The following ACVR2A variants were observed in gnomAD, a reference collection of about 807,000 sequenced individuals.
ACVR2A encodes activin A receptor type 2A.
ACVR2A carries 7 observed loss-of-function variants against 61.4 expected under a neutral mutation model. That is an observed-to-expected ratio of 0.11 (90% CI 0.06 to 0.21). ACVR2A has a LOEUF of 0.21. Ranked by LOEUF, ACVR2A falls within the 10% of genes least tolerant of loss-of-function variation. The pLI is 1.00. For synonymous variants in ACVR2A, 193 were observed against 208.3 expected, an observed-to-expected ratio of 0.93 and a Z score of 0.63; for missense variants, 322 against 621.7, an observed-to-expected ratio of 0.52 and a Z score of 5.13.
upstream of ACVR2A, chr2:147,844,855 G>T (rs1685258230): frequency 3.1e-6 from 1 of 324,390 alleles, no homozygotes; most frequent in Non-Finnish European, 5.5e-6. Context: ...TTTTGACAGT[G>T]ATTTAAACCC....
intron 6 of ACVR2A, 67 bp from the exon 7 acceptor site, chr2:147,918,380 G>A: frequency 7.2e-7 from 1 of 1,397,560 alleles, no homozygotes; most frequent in Non-Finnish European, 9.6e-7. Flanking sequence ...TAGGTAAAAA[G>A]AAAAGTCTCC....
At chr2:147,871,641 T>C (rs1007940983) in intron 1 of ACVR2A, among the ~76,000 whole-genome samples, 2 of 152,154 alleles carry the variant, frequency 1.3e-5, no homozygotes, top group Admixed American at 6.6e-5. Context: ...GCTGCTCTTA[T>C]GCCTTGCACT....
chr2:147,895,515 C>G (rs983998968), intron 1 of ACVR2A, among the ~76,000 whole-genome samples: 18 of 152,096 alleles, frequency 1.2e-4, no homozygotes, highest in African/African-American at 4.3e-4. Flanking sequence ...AAGTGCCACT[C>G]TTGGTACTGG....
intron 1 of ACVR2A, among the ~76,000 whole-genome samples, chr2:147,859,684 T>G (rs962591902): frequency 2.0e-5 from 3 of 152,054 alleles, no homozygotes; most frequent in African/African-American, 7.2e-5. Context: ...GTTTTTTTGT[T>G]TGTTTGTTTT....
At chr2:147,917,777 G>A (rs1376262335) in intron 6 of ACVR2A, among the ~76,000 whole-genome samples, 1 of 151,622 alleles carries the variant, frequency 6.6e-6, no homozygotes. Context: ...ATTTTTTTAA[G>A]TTTTAATCAG....
chr2:147,921,871 G>A (rs539625897), intron 8 of ACVR2A, among the ~76,000 whole-genome samples: 1 of 152,260 alleles, frequency 6.6e-6, no homozygotes, highest in African/African-American at 2.4e-5. Flanking sequence ...TTGGCTTACA[G>A]TAATGACTCC....
chr2:147,915,287 G>A lies in ACVR2A; in HGVS notation c.625G>A (p.Ala209Thr). 6.2e-7 allele frequency: 1 copy of A among 1,612,262 alleles called. No individual in the cohort carries two copies. Among genetic ancestry groups the A allele is most frequent in the Non-Finnish European group, 8.5e-7 (1 of 1,178,682 alleles). The change falls in exon 5 of 11, where the codon GCC becomes ACC. Residue 209 changes from alanine (A) to threonine (T), a missense_variant. This residue lies in a region of ACVR2A where 146 missense variants were observed against 383.8 expected (regional missense o/e 0.38). Transcript: ENST00000241416. ...GGGAAGATTTGGTTGTGTCTGGAAA[G>A]CCCAGTTGCTTAACGAATATGTGGC... ...ARGRFGCVWKAQLLNEYVAVK... is the reference protein window; with the variant it reads ...ARGRFGCVWKTQLLNEYVAVK...
At chr2:147,851,225 A>G (rs1685438948) in intron 1 of ACVR2A, among the ~76,000 whole-genome samples, 2 of 152,124 alleles carry the variant, frequency 1.3e-5, no homozygotes, top group Admixed American at 6.5e-5. Flanking sequence ...TTAGAATGTC[A>G]TAAAAGGTCC....
intron 4 of ACVR2A, among the ~76,000 whole-genome samples, chr2:147,908,206 G>T (rs190256590): frequency 3.9e-4 from 60 of 152,046 alleles, no homozygotes; most frequent in Middle Eastern, 3.4e-3. Flanking sequence ...TTATTTTCTG[G>T]TTTTTTCAGC....
intron 4 of ACVR2A, among the ~76,000 whole-genome samples, chr2:147,906,315 C>T (rs1253476397): frequency 2.6e-5 from 4 of 152,110 alleles, no homozygotes; most frequent in Non-Finnish European, 4.4e-5. Context: ...GCTTGATTGC[C>T]TATGGTGTGC....
At chr2:147,891,962 T>TG (rs140898156) in intron 1 of ACVR2A, among the ~76,000 whole-genome samples, 21,646 of 151,952 alleles carry the variant, frequency 0.14, 1,905 homozygotes, top group Middle Eastern at 0.23. Flanking sequence ...TTCTTTTTTT[T>TG]GTTTTTTTTG....
chr2:147,889,114 T>A (rs1686515708), intron 1 of ACVR2A, among the ~76,000 whole-genome samples: 1 of 152,224 alleles, frequency 6.6e-6, no homozygotes, highest in South Asian at 2.1e-4. Flanking sequence ...ATTGTGTGAT[T>A]GATTTTTGAA....
At chr2:147,861,823 G>A (rs1163419742) in intron 1 of ACVR2A, among the ~76,000 whole-genome samples, 1 of 152,124 alleles carries the variant, frequency 6.6e-6, no homozygotes, top group Non-Finnish European at 1.5e-5. Flanking sequence ...GAATGTGTGA[G>A]GGGAATAACT....
chr2:147,896,403 A>G lies in ACVR2A; in HGVS notation c.158A>G (p.Asp53Gly), dbSNP rs1686734038. Residue 53 changes from aspartate (D) to glycine (G), a missense_variant, in exon 2 of 11, where the codon GAC (aspartate) becomes GGC (glycine). Coordinates refer to ENST00000241416, the MANE Select transcript of ACVR2A (RefSeq NM_001616.5). ...NQTGVEPCYG[D>G]KDKRRHCFAT... is the part of the protein sequence containing the mutation. ...ACTGGTGTTGAACCGTGTTATGGTGACAAAGATAAACGGCGGCATTGTTTT... is the reference window on the plus strand; with the variant it reads ...ACTGGTGTTGAACCGTGTTATGGTGGCAAAGATAAACGGCGGCATTGTTTT... 1.9e-6 allele frequency: 3 copies of G among 1,613,942 alleles called. No individual in the cohort carries two copies. The highest frequency in any genetic ancestry group is 2.5e-6 in the Non-Finnish European group (3 of 1,179,982).
chr2:147,899,490 A>C lies in ACVR2A; in HGVS notation c.296A>C (p.Glu99Ala). 6.2e-7 allele frequency: 1 copy of C among 1,613,110 alleles called. No homozygotes were observed. Among genetic ancestry groups the C allele is most frequent in the Non-Finnish European group, 8.5e-7 (1 of 1,179,456 alleles). ...TGTGTAGAAAAAAAAGACAGCCCTGAAGTATATTTTTGTTGCTGTGAGGGC... is the reference window on the plus strand; with the variant it reads ...TGTGTAGAAAAAAAAGACAGCCCTGCAGTATATTTTTGTTGCTGTGAGGGC... ...TDCVEKKDSPEVYFCCCEGNM... is the reference protein window; with the variant it reads ...TDCVEKKDSPAVYFCCCEGNM... The change falls in exon 3 of 11, where the codon GAA becomes GCA. Residue 99 changes from glutamate to alanine, a missense_variant. This residue lies in a region of ACVR2A where 142 missense variants were observed against 200.3 expected (regional missense o/e 0.71). Transcript: ENST00000241416.
intron 1 of ACVR2A, among the ~76,000 whole-genome samples, chr2:147,879,762 A>G (rs1686250916): frequency 6.6e-6 from 1 of 152,214 alleles, no homozygotes; most frequent in African/African-American, 2.4e-5. Flanking sequence ...TGTTTGCTTT[A>G]GTAAATTGTC....
In ACVR2A at chr2:147,920,293, G is replaced by A. The variant is rs201892566; in HGVS notation, c.1026G>A (p.Gly342=). 1.9e-6 allele frequency: 3 copies of A among 1,613,544 alleles called. No homozygotes were observed. Among genetic ancestry groups the A allele is most frequent in the Non-Finnish European group, 2.5e-6 (3 of 1,179,618 alleles). The part of the protein sequence containing the change: ...NNLTACIADF[G]LALKFEAGKS... The stretch of plus-strand genomic sequence containing the variant: ...TGACAGCTTGCATTGCTGACTTTGG[G>A]TTGGCCTTAAAATTTGAGGCTGGCA... Residue 342 remains glycine, a synonymous_variant, in exon 8 of 11, where the codon GGG becomes GGA. Transcript: ENST00000241416.
At chr2:147,851,200 A>G (rs1685438310) in intron 1 of ACVR2A, among the ~76,000 whole-genome samples, 2 of 152,134 alleles carry the variant, frequency 1.3e-5, no homozygotes, top group Admixed American at 6.5e-5. Flanking sequence ...CACCTTTAGC[A>G]TAGAATCTAA....
chr2:147,878,437 A>G (rs1573671080), intron 1 of ACVR2A, among the ~76,000 whole-genome samples: 1 of 148,044 alleles, frequency 6.8e-6, no homozygotes, highest in Non-Finnish European at 1.5e-5. Context: ...TACAAATAAG[A>G]CTTTTACTTT....
Sources: gnomAD v4.1 joint callset for allele counts (sites outside exome capture counted in the v4.1 genomes callset) on GRCh38, gnomAD v4.1.1 for gene constraint, gnomAD v4.1.1 regional missense constraint, MANE v1.5 for transcripts, NCBI Gene and HGNC (gene_info 2026-07-23, HGNC 2026-07-21) for gene names.